Variants in CACNA1C observed in about 807,000 individuals in gnomAD.
CACNA1C encodes the protein calcium voltage-gated channel subunit alpha1 C, also known as voltage-dependent L-type calcium channel subunit alpha-1C.
CACNA1C carries 30 observed loss-of-function variants against 229.0 expected under a neutral mutation model. The observed-to-expected ratio is 0.13, with a 90% CI of 0.10 to 0.18. CACNA1C has a LOEUF of 0.18. CACNA1C is among the 10% of genes least tolerant of loss of function. CACNA1C has a pLI of 1.00. For synonymous variants in CACNA1C, 1,114 were observed against 1,132.5 expected, an observed-to-expected ratio of 0.98 and a Z score of 0.33; for missense variants, 1,658 against 2,845.0, an observed-to-expected ratio of 0.58 and a Z score of 9.49.
chr12:2,021,674 C>G (rs118040299), intron 1 of CACNA1C, among the ~76,000 whole-genome samples: 4,467 of 151,654 alleles, frequency 0.029, 95 homozygotes, highest in Non-Finnish European at 0.044. Context: ...GAGAGAAACT[C>G]CATCTAAAAA....
Position 2,152,304 on chromosome 12 carries a change from T to G in CACNA1C, c.477+31874T>G, listed in dbSNP as rs778405808. Among the ~76,000 whole-genome samples, 7 of 152,250 alleles carry G rather than the reference T, an allele frequency of 4.6e-5. No homozygotes were observed. Among genetic ancestry groups the G allele is most frequent in the Non-Finnish European group, 7.3e-5 (5 of 68,042 alleles). Reference sequence around the variant, plus strand: ...TGCTTAGAATGAAGAACTACAGTTCTCATCCTCCCTTGTGGCTAAGTGAGG... The same window carrying G: ...TGCTTAGAATGAAGAACTACAGTTCGCATCCTCCCTTGTGGCTAAGTGAGG... On this transcript the variant is annotated intron_variant, in intron 3 of 46. Transcript: ENST00000399655. The surrounding 1 kb of genome is among the most constrained non-coding windows in gnomAD (Gnocchi z 4.2).
chr12:2,240,735 C>G (rs1019828679), intron 3 of CACNA1C, among the ~76,000 whole-genome samples: 9 of 151,604 alleles, frequency 5.9e-5, no homozygotes, highest in Non-Finnish European at 1.0e-4. Context: ...GTCATTAGCA[C>G]ATGGTTAGGT....
rs2099776322 is a variant in CACNA1C, at chr12:2,508,335, T to C, written c.1217+3390T>C. ...TGCTTGTGAAGGTAGAGAAGATGAC[T>C]CCATAAAGCTTCCATTTAAAGTGTG... On this transcript the variant is annotated intron_variant, in intron 8 of 46. Coordinates refer to ENST00000399655, the MANE Select transcript of CACNA1C (RefSeq NM_000719.7). Among the ~76,000 whole-genome samples, 3 of 152,314 alleles carry C rather than the reference T, an allele frequency of 2.0e-5. No individual in the cohort carries two copies. The South Asian group carries it at 6.2e-4, about 32-fold the overall frequency.
intron 5 of CACNA1C, among the ~76,000 whole-genome samples, chr12:2,482,471 C>T (rs1407635395): frequency 6.6e-6 from 1 of 152,238 alleles, no homozygotes; most frequent in Non-Finnish European, 1.5e-5. Context: ...TGGACCCACT[C>T]TTCTCATCAG....
intron 1 of CACNA1C, among the ~76,000 whole-genome samples, chr12:2,103,477 C>T (rs915615408): frequency 1.3e-5 from 2 of 151,952 alleles, no homozygotes; most frequent in Non-Finnish European, 2.9e-5. Context: ...TGGATATTAG[C>T]GCTTTGTCAG....
chr12:2,116,371 C>CT (rs869196313), intron 2 of CACNA1C, among the ~76,000 whole-genome samples: 2,500 of 136,770 alleles, frequency 0.018, 34 homozygotes, highest in African/African-American at 0.032. Context: ...TTGGGAAGGA[C>CT]TTTTTTTTTT....
chr12:2,128,340 A>G (rs1221912388), intron 3 of CACNA1C, among the ~76,000 whole-genome samples: 1 of 152,210 alleles, frequency 6.6e-6, no homozygotes, highest in Non-Finnish European at 1.5e-5. Context: ...TTAAAATAAA[A>G]ACAAACAAAA....
At chr12:2,259,996 T>G (rs1276156815) in intron 3 of CACNA1C, among the ~76,000 whole-genome samples, 1 of 152,020 alleles carries the variant, frequency 6.6e-6, no homozygotes, top group Non-Finnish European at 1.5e-5. Flanking sequence ...AGAATCCCCC[T>G]CTCCCCACCA....
chr12:2,555,501 T>A (rs892420394), intron 10 of CACNA1C, among the ~76,000 whole-genome samples: 3 of 152,218 alleles, frequency 2.0e-5, no homozygotes, highest in Admixed American at 1.3e-4. Flanking sequence ...GGGCTCAGCA[T>A]GGCCCCGCTG....
At chr12:2,593,023 C>T (rs1055963778) in intron 18 of CACNA1C, among the ~76,000 whole-genome samples, 190 bp from the exon 19 acceptor site, 5 of 152,178 alleles carry the variant, frequency 3.3e-5, no homozygotes, top group African/African-American at 1.2e-4. Flanking sequence ...TTATTGTGCA[C>T]TGCCAGATAC....
intron 9 of CACNA1C, chr12:2,547,333 GGA>G (rs2099883257): frequency 1.5e-6 from 1 of 658,138 alleles, no homozygotes; most frequent in Non-Finnish European, 2.8e-6. Context: ...TGATAAAAAT[GGA>G]TGTTCTATGT....
intron 8 of CACNA1C, among the ~76,000 whole-genome samples, chr12:2,510,085 T>C (rs1402110981): frequency 6.6e-6 from 1 of 152,148 alleles, no homozygotes; most frequent in Non-Finnish European, 1.5e-5. Context: ...ACACCACCCC[T>C]CATTTTTCAT....
intron 18 of CACNA1C, among the ~76,000 whole-genome samples, chr12:2,589,937 G>A (rs552657336): frequency 6.6e-6 from 1 of 152,290 alleles, no homozygotes; most frequent in East Asian, 1.9e-4. Flanking sequence ...TTCTAATTGA[G>A]CCAGCGAAGA....
chr12:2,029,422 C>A lies in CACNA1C; in HGVS notation c.139+58221C>A, dbSNP rs1439586655. Among the ~76,000 whole-genome samples the A allele has an allele frequency of 5.9e-5, 9 of 152,170 alleles. No homozygotes were observed. Among genetic ancestry groups the A allele is most frequent in the Non-Finnish European group, 1.2e-4 (8 of 68,026 alleles). On this transcript the variant is annotated intron_variant, in intron 1 of 46. Transcript: ENST00000682462. The surrounding 1 kb of genome is among the most constrained non-coding windows in gnomAD (Gnocchi z 4.9). The stretch of plus-strand genomic sequence containing the variant: ...ACCCTGTACCCATTAAGAAGACACT[C>A]CCTATTCCCGCCTCACCCAGGGCCC...
At chr12:2,025,558 T>TG (rs1183114714) in intron 1 of CACNA1C, among the ~76,000 whole-genome samples, 1 of 152,174 alleles carries the variant, frequency 6.6e-6, no homozygotes, top group Non-Finnish European at 1.5e-5. Flanking sequence ...CAACACAGTT[T>TG]GGGCCGTCCT....
At position 2,677,929 on chromosome 12, in the gene CACNA1C, G is replaced by A; in HGVS notation, c.5091+62G>A. The stretch of plus-strand genomic sequence containing the variant: ...AGTTCAGTTTGGAGCAAGAGGTTGG[G>A]CTGGGGTTTTGCGGGGAACGTCCAG... On this transcript the variant is annotated intron_variant, in intron 41 of 46. Transcript: ENST00000399655. The surrounding 1 kb of genome is among the most constrained non-coding windows in gnomAD (Gnocchi z 7.4). 5.6e-6 allele frequency: 9 copies of A among 1,594,634 alleles called. No homozygotes were observed. The highest frequency in any genetic ancestry group is 7.7e-6 in the Non-Finnish European group (9 of 1,165,170).
intron 3 of CACNA1C, among the ~76,000 whole-genome samples, chr12:2,254,307 A>G (rs1036728542): frequency 1.3e-5 from 2 of 152,074 alleles, no homozygotes; most frequent in African/African-American, 2.4e-5. Flanking sequence ...GTCTGTCAGT[A>G]TGCTTCTGGA....
chr12:2,578,999 A>G (rs1407283428), intron 13 of CACNA1C, among the ~76,000 whole-genome samples: 1 of 151,932 alleles, frequency 6.6e-6, no homozygotes, highest in Non-Finnish European at 1.5e-5. Context: ...TCCTCCCTGG[A>G]GCCCCAAGCA....
At chr12:2,202,231 A>C (rs2154321114) in intron 3 of CACNA1C, among the ~76,000 whole-genome samples, 1 of 152,310 alleles carries the variant, frequency 6.6e-6, no homozygotes. Context: ...CTTTCCACAC[A>C]GGGACACTGA....
Sources: gnomAD v4.1 joint callset for allele counts (sites outside exome capture counted in the v4.1 genomes callset) on GRCh38, gnomAD v4.1.1 for gene constraint, Gnocchi (gnomAD v3.1) non-coding constraint, MANE v1.5 for transcripts, NCBI Gene and HGNC (gene_info 2026-07-23, HGNC 2026-07-21) for gene names.